PTPRN2: variants seen among roughly 807,000 people sequenced by gnomAD.
PTPRN2 encodes the protein protein tyrosine phosphatase receptor type N2, also known as receptor-type tyrosine-protein phosphatase N2.
A neutral mutation model predicts 118.8 loss-of-function variants in PTPRN2; 74 were observed. The ratio of observed to expected loss-of-function variants is 0.62; its 90% confidence interval spans 0.52 to 0.76. The LOEUF (loss-of-function observed/expected upper bound fraction) is 0.76, where lower values mean the gene tolerates loss of function less well. PTPRN2 is among the 30% of genes least tolerant of loss of function. The probability of loss-of-function intolerance (pLI) is 0.00; values close to 1 mark genes in which losing one functional copy is unlikely to be tolerated. For synonymous variants in PTPRN2, 641 were observed against 608.0 expected (o/e 1.05, Z -0.80); for missense variants, 1,481 against 1,394.4 (o/e 1.06, Z -0.99).
intron 17 of PTPRN2, among the ~76,000 whole-genome samples, chr7:157,589,466 A>G (rs1166915612): frequency 6.8e-6 from 1 of 148,110 alleles, no homozygotes; most frequent in Admixed American, 7.0e-5. Context: ...AAGGCTTTCT[A>G]GAGAAAGGCT....
chr7:157,752,263 G>A (rs996527258), intron 12 of PTPRN2, among the ~76,000 whole-genome samples: 15 of 152,202 alleles, frequency 9.9e-5, no homozygotes, highest in African/African-American at 2.9e-4. Flanking sequence ...GGGGAACGTC[G>A]TAAGTGCTGC....
intron 12 of PTPRN2, among the ~76,000 whole-genome samples, chr7:157,879,661 A>G (rs1017607796): frequency 3.9e-5 from 6 of 152,084 alleles, no homozygotes; most frequent in Non-Finnish European, 8.8e-5. Context: ...TGCTGAACCA[A>G]GAGAGACAGT....
chr7:158,428,482 G>A (rs568921914), intron 2 of PTPRN2, among the ~76,000 whole-genome samples: 1 of 152,302 alleles, frequency 6.6e-6, no homozygotes, highest in East Asian at 1.9e-4. Context: ...ACGGCTGCTG[G>A]CATTGGCTGT....
At chr7:157,940,069 C>G (rs931403566) in intron 11 of PTPRN2, among the ~76,000 whole-genome samples, 1 of 152,172 alleles carries the variant, frequency 6.6e-6, no homozygotes, top group African/African-American at 2.4e-5. Flanking sequence ...AGCAGAGAGG[C>G]CCCCGTTGGT....
chr7:158,356,060 A>C (rs897455629), intron 2 of PTPRN2, among the ~76,000 whole-genome samples: 6 of 152,212 alleles, frequency 3.9e-5, no homozygotes, highest in African/African-American at 1.4e-4. Context: ...ATGAGTTTTC[A>C]CACACATATA....
chr7:157,584,525 A>T (rs547281202), intron 17 of PTPRN2, among the ~76,000 whole-genome samples: 7 of 152,372 alleles, frequency 4.6e-5, no homozygotes, highest in South Asian at 4.1e-4. Flanking sequence ...TTCAGTTTTT[A>T]AAAAAACAAG....
At chr7:157,711,513 C>G (rs1340134146) in intron 12 of PTPRN2, among the ~76,000 whole-genome samples, 3 of 152,204 alleles carry the variant, frequency 2.0e-5, no homozygotes, top group Non-Finnish European at 4.4e-5. Context: ...GAGTCCTGGC[C>G]CTTCACCACG....
rs558387777 is a variant in PTPRN2 at position 157,617,992 on chromosome 7, T to C, written c.2344+3370A>G. On this transcript the variant is annotated intron_variant, in intron 15 of 22. Transcript: ENST00000389418. The surrounding 1 kb of genome is among the most constrained non-coding windows in gnomAD (Gnocchi z 7.5). ...CAAGCGAAATGCTGCATAATTCTTT[T>C]TTAAACATTCAAAAAACAGAAAATG... 3 of 152,384 alleles carry C rather than the reference T, an allele frequency of 2.0e-5. No individual in the cohort carries two copies. The highest frequency in any genetic ancestry group is 4.4e-5 in the Non-Finnish European group (3 of 68,046). The allele number at this position is 152,384 out of a possible 1,614,324, so 9.4% of individuals were successfully genotyped here. A position where few individuals can be genotyped will look rare whatever the true frequency, so the allele number is the denominator to read the frequency against.
intron 2 of PTPRN2, among the ~76,000 whole-genome samples, chr7:158,419,644 T>G (rs1815086201): frequency 6.6e-6 from 1 of 152,102 alleles, no homozygotes; most frequent in East Asian, 1.9e-4. Context: ...GCAGCTGGAA[T>G]GAGTGAAATA....
intron 3 of PTPRN2, among the ~76,000 whole-genome samples, chr7:158,249,869 T>C (rs1206373721): frequency 7.2e-5 from 11 of 152,118 alleles, no homozygotes. Context: ...AGACGCCACG[T>C]CCCTCCCCCA....
chr7:157,594,149 G>A (rs926522586), intron 17 of PTPRN2, among the ~76,000 whole-genome samples: 2 of 152,226 alleles, frequency 1.3e-5, no homozygotes, highest in African/African-American at 4.8e-5. Flanking sequence ...CGGAAACCCG[G>A]ATCTGTTCCA....
chr7:158,300,522 C>A (rs1235811198), intron 3 of PTPRN2, among the ~76,000 whole-genome samples: 1 of 152,162 alleles, frequency 6.6e-6, no homozygotes, highest in Non-Finnish European at 1.5e-5. Context: ...GGTGCGCGCA[C>A]CTGCAGAGAA....
intron 11 of PTPRN2, among the ~76,000 whole-genome samples, chr7:158,073,044 G>A (rs543258914): frequency 1.3e-5 from 2 of 152,288 alleles, no homozygotes; most frequent in South Asian, 2.1e-4. Flanking sequence ...ACCAGGGACA[G>A]AGGGCAGTGG....
At chr7:157,970,237 C>T (rs906670251) in intron 11 of PTPRN2, among the ~76,000 whole-genome samples, 24 of 152,312 alleles carry the variant, frequency 1.6e-4, no homozygotes, top group South Asian at 8.3e-4. Context: ...TATGAACTCC[C>T]CAAGAGCTCA....
chr7:158,314,418 G>C (rs1802119231), intron 3 of PTPRN2, among the ~76,000 whole-genome samples: 1 of 152,234 alleles, frequency 6.6e-6, no homozygotes, highest in Non-Finnish European at 1.5e-5. Flanking sequence ...CCTTCAATAT[G>C]GCTCGCTCCA....
chr7:158,290,851 T>C (rs1262008507), intron 3 of PTPRN2, among the ~76,000 whole-genome samples: 1 of 152,210 alleles, frequency 6.6e-6, no homozygotes, highest in Non-Finnish European at 1.5e-5. Flanking sequence ...GTTCAAATTG[T>C]TGTTTCTGTG....
chr7:157,817,110 G>C (rs1318033035), intron 12 of PTPRN2, among the ~76,000 whole-genome samples: 1 of 152,180 alleles, frequency 6.6e-6, no homozygotes, highest in Non-Finnish European at 1.5e-5. Flanking sequence ...GCTGTGTTCC[G>C]GGGGCGCCGC....
chr7:158,440,572 A>G (rs1563293872), intron 2 of PTPRN2, among the ~76,000 whole-genome samples: 3 of 147,688 alleles, frequency 2.0e-5, no homozygotes, highest in Admixed American at 6.7e-5. Flanking sequence ...GGTGGTGATA[A>G]TGATAGTGGT....
At position 158,190,767 on chromosome 7, in the gene PTPRN2, G is replaced by A. The variant is rs116662371; in HGVS notation, c.549+1560C>T. On this transcript the variant is annotated intron_variant, in intron 5 of 22. Transcript: ENST00000389418. ...CTGTGGCCTGTGGGTCTGGCACCCC[G>A]TGGCCCCTGCATGGCTCTGGGCCAG... 9.0e-3 allele frequency among the ~76,000 whole-genome samples: 1,367 copies of A among 152,372 alleles called. 23 individuals carry two copies. Among genetic ancestry groups the A allele is most frequent in the African/African-American group, 0.031 (1,294 of 41,594 alleles).
Sources: gnomAD v4.1 joint callset for allele counts (sites outside exome capture counted in the v4.1 genomes callset) on GRCh38, gnomAD v4.1.1 for gene constraint, Gnocchi (gnomAD v3.1) non-coding constraint, MANE v1.5 for transcripts, NCBI Gene and HGNC (gene_info 2026-07-23, HGNC 2026-07-21) for gene names.